The following CTNNA3 variants were observed in gnomAD, a reference collection of about 807,000 sequenced individuals.
The protein encoded by CTNNA3 is catenin alpha 3.
In CTNNA3, 76 loss-of-function variants were observed where a neutral mutation model predicts 95.7. The ratio of observed to expected loss-of-function variants is 0.79; its 90% confidence interval spans 0.66 to 0.96. The LOEUF is 0.96. Ranked by LOEUF, CTNNA3 falls within the 40% of genes least tolerant of loss-of-function variation. CTNNA3 has a pLI of 0.00. For synonymous variants in CTNNA3, 431 were observed against 374.4 expected (o/e 1.15, Z -1.74); for missense variants, 1,191 against 1,089.8 (o/e 1.09, Z -1.31).
chr10:67,508,860 G>C lies in CTNNA3; in HGVS notation c.579+12982C>G, dbSNP rs550765858. Among the ~76,000 whole-genome samples, 5 of 150,442 alleles carry C rather than the reference G, an allele frequency of 3.3e-5. No homozygotes were observed. The South Asian group carries it at 1.1e-3, about 33-fold the overall frequency. ...CCACAAATAACCTAATTAAAAATGAGCAAAATACCTAAATAGACATTTTTT... is the reference window on the plus strand; with the variant it reads ...CCACAAATAACCTAATTAAAAATGACCAAAATACCTAAATAGACATTTTTT... On this transcript the variant is annotated intron_variant, in intron 5 of 17. Transcript: ENST00000433211.
At chr10:67,160,723 A>T (rs1194640382) in intron 7 of CTNNA3, among the ~76,000 whole-genome samples, 1 of 152,202 alleles carries the variant, frequency 6.6e-6, no homozygotes, top group African/African-American at 2.4e-5. Flanking sequence ...GGTGTGAGCC[A>T]CTGTGCTCGG....
chr10:67,686,991 G>C (rs1444143583), intron 1 of CTNNA3, among the ~76,000 whole-genome samples: 2 of 152,098 alleles, frequency 1.3e-5, no homozygotes, highest in Non-Finnish European at 2.9e-5. Context: ...TAAGGGTGTG[G>C]GACTTTCAGA....
chr10:66,284,777 T>C (rs1404459994), intron 12 of CTNNA3, among the ~76,000 whole-genome samples: 1 of 151,900 alleles, frequency 6.6e-6, no homozygotes, highest in East Asian at 1.9e-4. Flanking sequence ...CTTTGAAAAT[T>C]ACTGGTGGTA....
At chr10:67,448,397 A>T (rs1470209663) in intron 5 of CTNNA3, among the ~76,000 whole-genome samples, 1 of 152,152 alleles carries the variant, frequency 6.6e-6, no homozygotes, top group African/African-American at 2.4e-5. Flanking sequence ...TAAGCAGGTA[A>T]GATAATTCTA....
chr10:66,907,529 T>C (rs974477327), intron 7 of CTNNA3, among the ~76,000 whole-genome samples: 2 of 152,172 alleles, frequency 1.3e-5, no homozygotes, highest in East Asian at 3.8e-4. Flanking sequence ...GAAATCCTTA[T>C]TTTGAGAGGA....
chr10:66,672,941 T>C (rs1347966852), intron 9 of CTNNA3, among the ~76,000 whole-genome samples: 1 of 151,976 alleles, frequency 6.6e-6, no homozygotes, highest in Non-Finnish European at 1.5e-5. Context: ...TAATATATAA[T>C]AAAATTATTT....
chr10:67,130,413 T>C (rs181697870), intron 7 of CTNNA3, among the ~76,000 whole-genome samples: 4 of 152,280 alleles, frequency 2.6e-5, no homozygotes, highest in African/African-American at 9.6e-5. Context: ...AAAAGGTTGC[T>C]GACCCTAACA....
At chr10:66,278,766 C>T (rs1436317336) in intron 13 of CTNNA3, among the ~76,000 whole-genome samples, 1 of 152,044 alleles carries the variant, frequency 6.6e-6, no homozygotes, top group East Asian at 1.9e-4. Context: ...TCTCAAATAT[C>T]CACTCAGGAA....
intron 7 of CTNNA3, among the ~76,000 whole-genome samples, chr10:67,077,302 T>C (rs911518837): frequency 2.0e-5 from 3 of 152,200 alleles, no homozygotes; most frequent in Non-Finnish European, 2.9e-5. Context: ...CGTGCTTAAA[T>C]CCTTCATTGG....
At chr10:67,347,015 G>T (rs1013794458) in intron 5 of CTNNA3, among the ~76,000 whole-genome samples, 2 of 151,760 alleles carry the variant, frequency 1.3e-5, no homozygotes. Flanking sequence ...ATTATTGGAG[G>T]AAGTTATTTT....
At chr10:66,439,300 A>T (rs2093359941) in intron 11 of CTNNA3, among the ~76,000 whole-genome samples, 1 of 152,152 alleles carries the variant, frequency 6.6e-6, no homozygotes, top group Non-Finnish European at 1.5e-5. Context: ...TATATTTTCT[A>T]ATCTTTTTCT....
At chr10:67,322,268 G>T (rs891544451) in intron 5 of CTNNA3, among the ~76,000 whole-genome samples, 23 of 152,052 alleles carry the variant, frequency 1.5e-4, no homozygotes, top group African/African-American at 2.4e-5. Context: ...GTGCAGGTTT[G>T]TTATATAGGT....
At chr10:66,482,966 T>C (rs1252865084) in intron 11 of CTNNA3, among the ~76,000 whole-genome samples, 1 of 152,148 alleles carries the variant, frequency 6.6e-6, no homozygotes, top group Non-Finnish European at 1.5e-5. Context: ...CCCAATGGAA[T>C]AGCACTCTCA....
chr10:66,069,367 G>A lies in CTNNA3; in HGVS notation c.2100C>T (p.Asp700=). 1 of 1,613,632 alleles carries A rather than the reference G, an allele frequency of 6.2e-7. No individual in the cohort carries two copies. ...EIEIWDDTSN[D]IIVLAKNMCM... is the part of the protein sequence containing the mutation. Reference sequence around the variant, plus strand: ...ACATGTTCTTGGCCAGAACAATGATGTCGTTGCTTGTATCATCCCATATCT... The same window carrying A: ...ACATGTTCTTGGCCAGAACAATGATATCGTTGCTTGTATCATCCCATATCT... The change falls in exon 15 of 18, where the codon GAC becomes GAT. Residue 700 remains aspartate, a synonymous_variant. Coordinates refer to ENST00000433211, the MANE Select transcript of CTNNA3 (RefSeq NM_013266.4).
At chr10:66,877,618 T>C (rs1844676365) in intron 7 of CTNNA3, among the ~76,000 whole-genome samples, 1 of 152,100 alleles carries the variant, frequency 6.6e-6, no homozygotes, top group Admixed American at 6.6e-5. Context: ...AGGGAAGCAA[T>C]GAGGAAGTCT....
intron 7 of CTNNA3, among the ~76,000 whole-genome samples, chr10:66,925,454 A>G (rs955691047): frequency 6.6e-6 from 1 of 152,226 alleles, no homozygotes; most frequent in Non-Finnish European, 1.5e-5. Context: ...TACAACAACC[A>G]AAACAACAAA....
intron 13 of CTNNA3, among the ~76,000 whole-genome samples, chr10:66,199,640 C>T (rs151112377): frequency 1.5e-4 from 22 of 149,932 alleles, no homozygotes; most frequent in African/African-American, 4.7e-4. Flanking sequence ...CTTGCTCTGC[C>T]GTCCCGGCTG....
intron 11 of CTNNA3, among the ~76,000 whole-genome samples, chr10:66,499,556 G>A (rs1018075273): frequency 3.9e-5 from 6 of 152,016 alleles, no homozygotes; most frequent in African/African-American, 1.4e-4. Flanking sequence ...TTGAACTCCT[G>A]GGACGACAGG....
chr10:67,730,175 T>A (rs1474528016), intron 1 of CTNNA3, among the ~76,000 whole-genome samples: 1 of 152,118 alleles, frequency 6.6e-6, no homozygotes, highest in East Asian at 1.9e-4. Flanking sequence ...AGGAAAATCT[T>A]AGAAATTTCT....
Sources: allele counts gnomAD v4.1 joint callset (sites outside exome capture counted in the v4.1 genomes callset), GRCh38; gene constraint gnomAD v4.1.1; transcripts MANE v1.5; gene names NCBI Gene and HGNC (gene_info 2026-07-23, HGNC 2026-07-21).